C5: variants seen among roughly 807,000 people sequenced by gnomAD.
The protein encoded by C5 is complement C5.
Under a neutral mutation model 218.8 loss-of-function variants are expected in C5, and 140 were observed. The ratio of observed to expected loss-of-function variants is 0.64; its 90% confidence interval spans 0.56 to 0.74. The LOEUF is 0.74. Among genes scored for constraint, C5 ranks in the 30% least tolerant of loss-of-function variants. C5 has a pLI of 0.00. For missense variants in C5, 1,700 were observed against 1,969.6 expected (o/e 0.86, Z 2.59); for synonymous variants, 614 against 682.3 (o/e 0.90, Z 1.56).
intron 10 of C5, among the ~76,000 whole-genome samples, chr9:121,022,713 ATATAT>A (rs1209580424): frequency 1.3e-5 from 2 of 150,348 alleles, no homozygotes; most frequent in African/African-American, 4.9e-5. Context: ...ACATAATAAA[ATATAT>A]TATTTGTAAT....
In C5 at chr9:120,962,652, T is replaced by G. The variant is rs2046835542; in HGVS notation, c.4504+19A>C. On this transcript the variant is annotated intron_variant, in intron 36 of 40. Coordinates refer to ENST00000223642, the MANE Select transcript of C5 (RefSeq NM_001735.3). ...TACAAAGTATTCTTCTGAAGAAATGTTAGCATGGAGTTGATTACCTGGTCT... is the reference window on the plus strand; with the variant it reads ...TACAAAGTATTCTTCTGAAGAAATGGTAGCATGGAGTTGATTACCTGGTCT... 6.7e-7 allele frequency: 1 copy of G among 1,502,694 alleles called. No individual in the cohort carries two copies. Among genetic ancestry groups the G allele is most frequent in the Non-Finnish European group, 9.3e-7 (1 of 1,078,614 alleles). The allele number at this position is 1,502,694 out of a possible 1,614,324, so 93.1% of individuals were successfully genotyped here.
intron 17 of C5, among the ~76,000 whole-genome samples, chr9:121,012,152 G>A (rs1266549518): frequency 6.6e-6 from 1 of 151,886 alleles, no homozygotes; most frequent in Non-Finnish European, 1.5e-5. Context: ...AAATACCTCA[G>A]GGGATAGATA....
intron 6 of C5, among the ~76,000 whole-genome samples, chr9:121,031,870 C>T (rs564575920): frequency 8.3e-4 from 127 of 152,182 alleles, no homozygotes; most frequent in African/African-American, 2.2e-3. Context: ...TCAAGACCAG[C>T]CTGGCCAAGA....
At chr9:121,029,482 A>G (rs2047455011) in intron 7 of C5, among the ~76,000 whole-genome samples, 1 of 152,210 alleles carries the variant, frequency 6.6e-6, no homozygotes, top group African/African-American at 2.4e-5. Context: ...GTAAAGATTA[A>G]ATGTGCTAAT....
chr9:121,045,977 C>T lies in C5; in HGVS notation c.258+214G>A, dbSNP rs527427688. Among the ~76,000 whole-genome samples, 4 of 152,162 alleles carry T rather than the reference C, an allele frequency of 2.6e-5. No individual in the cohort carries two copies. The South Asian group carries it at 8.3e-4, about 32-fold the overall frequency. ...CAATAAGAATGTGAAAATGGACATG[C>T]ATTGCTCAAAAAGCAGACATAACTT... On this transcript the variant is annotated intron_variant, in intron 2 of 40. Coordinates refer to ENST00000223642, the MANE Select transcript of C5 (RefSeq NM_001735.3).
chr9:120,993,202 G>A (rs2047089917), intron 22 of C5, among the ~76,000 whole-genome samples: 2 of 152,166 alleles, frequency 1.3e-5, no homozygotes, highest in Admixed American at 1.3e-4. Flanking sequence ...ACTGCTAATG[G>A]AAGTATAACC....
At chr9:120,959,323 A>G (rs1457119613) in intron 38 of C5, among the ~76,000 whole-genome samples, 2 of 150,376 alleles carry the variant, frequency 1.3e-5, no homozygotes, top group South Asian at 2.1e-4. Context: ...CAGTAGCACG[A>G]TCTTGGCTCA....
Position 121,025,449 on chromosome 9 carries a change from C to CACACACACAG in C5, c.1000+4_1000+5insCTGTGTGTGT. 1 of 1,605,574 alleles carries CACACACACAG rather than the reference C, an allele frequency of 6.2e-7. No individual in the cohort carries two copies. Among genetic ancestry groups the CACACACACAG allele is most frequent in the Admixed American group, 1.7e-5 (1 of 59,242 alleles). On this transcript the variant is annotated splice_donor_region_variant and intron_variant, in intron 9 of 40. Transcript: ENST00000223642. ...ACACACACACACACACACACACACA[C>CACACACACAG]TTACCTGTAGACTCTATGACTGTTA...
chr9:121,017,601 T>C (rs772835858), intron 13 of C5, 42 bp downstream of exon 13: 26 of 1,605,954 alleles, frequency 1.6e-5, no homozygotes, highest in Non-Finnish European at 2.0e-5. Flanking sequence ...GCCTCCTTCA[T>C]TGAAAAGAAA....
chr9:121,032,209 A>G lies in C5; in HGVS notation c.585-14T>C, dbSNP rs940343238. ...CACATACCATATCTGTGGAAGCAAA[A>G]TATTTAAAATTATAGATGTCATCAA... is the stretch of plus-strand genomic sequence containing the variant. On this transcript the variant is annotated splice_polypyrimidine_tract_variant and intron_variant, in intron 5 of 40. Coordinates refer to ENST00000223642, the MANE Select transcript of C5 (RefSeq NM_001735.3). The G allele has an allele frequency of 6.7e-7, 1 of 1,496,846 alleles. No individual in the cohort carries two copies. 92.7% of individuals were successfully genotyped at this position (1,496,846 alleles called of 1,614,324 possible). A position where few individuals can be genotyped will look rare whatever the true frequency, so the allele number is the denominator to read the frequency against.
At chr9:121,038,466 T>C (rs1381827759) in intron 3 of C5, among the ~76,000 whole-genome samples, 1 of 152,230 alleles carries the variant, frequency 6.6e-6, no homozygotes, top group Admixed American at 6.5e-5. Context: ...CTTTGGATTA[T>C]ATGGTTTTGT....
chr9:120,969,829 A>G (rs2046897339), intron 32 of C5, among the ~76,000 whole-genome samples: 1 of 152,248 alleles, frequency 6.6e-6, no homozygotes, highest in African/African-American at 2.4e-5. Flanking sequence ...TGGAAGGCTA[A>G]CACAAAAGTA....
At chr9:120,963,314 G>C (rs962143401) in intron 34 of C5, among the ~76,000 whole-genome samples, 1 of 152,172 alleles carries the variant, frequency 6.6e-6, no homozygotes, top group Non-Finnish European at 1.5e-5. Context: ...AGACCAGCCT[G>C]ACTGACATGG....
Position 121,035,754 on chromosome 9 carries a change from T to C in C5, c.493-860A>G, listed in dbSNP as rs577591096. On this transcript the variant is annotated intron_variant, in intron 4 of 40. Transcript: ENST00000223642. ...CCAGCTATTTTTTTTTTTTTAATTT[T>C]TAGTAGAGATGAGGTCTCTCCAGGT... is the stretch of plus-strand genomic sequence containing the variant. Among the ~76,000 whole-genome samples the C allele has an allele frequency of 2.7e-3, 404 of 151,714 alleles. 2 individuals carry two copies. The highest frequency in any genetic ancestry group is 4.7e-3 in the Non-Finnish European group (318 of 67,892).
chr9:121,031,641 T>C (rs1279982722), intron 6 of C5, among the ~76,000 whole-genome samples: 1 of 152,220 alleles, frequency 6.6e-6, no homozygotes, highest in African/African-American at 2.4e-5. Flanking sequence ...ATTCAACTAC[T>C]ACTCCTCCCT....
intron 15 of C5, 102 bp downstream of exon 15, chr9:121,016,152 C>G: frequency 1.4e-6 from 2 of 1,450,586 alleles, no homozygotes. Context: ...TCTTGGCATT[C>G]TAAGATCAGG....
the C5 span, among the ~76,000 whole-genome samples, chr9:121,066,450 C>T: frequency 1.3e-5 from 2 of 150,044 alleles, no homozygotes; most frequent in South Asian, 4.2e-4. Context: ...TTTAGGTAAA[C>T]AGAACTCACA....
In C5 at chr9:121,043,149, C is replaced by A. The variant is rs1199947642; in HGVS notation, c.276G>T (p.Leu92Phe). 3.1e-6 allele frequency: 5 copies of A among 1,612,834 alleles called. No individual in the cohort carries two copies. In the South Asian group the frequency reaches 4.4e-5, roughly 14 times the overall value. Reference sequence around the variant, plus strand: ...AAGAAACTGGGTTTTGTCCTCCAGGCAATTGTTTTGGTTGTATCTGGAAAA... The same window carrying A: ...AAGAAACTGGGTTTTGTCCTCCAGGAAATTGTTTTGGTTGTATCTGGAAAA... ...SAILTIQPKQ[L>F]PGGQNPVSYV... The change falls in exon 3 of 41, where the codon TTG becomes TTT. Residue 92 changes from leucine (L) to phenylalanine (F), a missense_variant. Physicochemically the swap from Leu to Phe is conservative, Grantham distance 22. Transcript: ENST00000223642.
chr9:120,957,520 A>C, intron 38 of C5, 152 bp from the exon 39 acceptor site: 1 of 641,688 alleles, frequency 1.6e-6, no homozygotes, highest in Non-Finnish European at 2.8e-6. Flanking sequence ...CAATCCCCTC[A>C]GTCTGATTCA....
Sources: gnomAD v4.1 joint callset for allele counts (sites outside exome capture counted in the v4.1 genomes callset) on GRCh38, gnomAD v4.1.1 for gene constraint, MANE v1.5 for transcripts, NCBI Gene and HGNC (gene_info 2026-07-23, HGNC 2026-07-21) for gene names.